POLG2: variants seen among roughly 807,000 people sequenced by gnomAD.
The protein encoded by POLG2 is DNA polymerase gamma 2, accessory subunit, also known as DNA polymerase subunit gamma-2.
Under a neutral mutation model 56.5 loss-of-function variants are expected in POLG2, and 50 were observed. The ratio of observed to expected loss-of-function variants is 0.88; its 90% CI spans 0.71 to 1.12. POLG2 has a LOEUF of 1.12. POLG2 is among the 50% of genes most tolerant of loss of function. The pLI, the probability that POLG2 is intolerant of heterozygous loss-of-function variation, is 0.00. For synonymous variants in POLG2, 226 were observed against 222.6 expected (o/e 1.02, Z -0.14); for missense variants, 584 against 583.3 (o/e 1.00, Z -0.01).
chr17:64,479,776 T>C (rs2037827671), intron 7 of POLG2, among the ~76,000 whole-genome samples: 1 of 152,094 alleles, frequency 6.6e-6, no homozygotes, highest in Non-Finnish European at 1.5e-5. Context: ...CTGACAGCAT[T>C]TGATGATAGA....
At chr17:64,495,243 G>A (rs1210613491) in intron 1 of POLG2, among the ~76,000 whole-genome samples, 10 of 151,086 alleles carry the variant, frequency 6.6e-5, no homozygotes, top group African/African-American at 2.4e-4. Context: ...GAGGGTCATT[G>A]CTTCTAGGAA....
Position 64,496,692 on chromosome 17 carries a change from T to C in POLG2, c.277A>G (p.Ser93Gly). 6.2e-7 allele frequency: 1 copy of C among 1,613,946 alleles called. No homozygotes were observed. The highest frequency in any genetic ancestry group is 8.5e-7 in the Non-Finnish European group (1 of 1,180,000). ...GGTCCGAAGCCGGGGTGGCACCCAC[T>C]CAGAAGAGAATCCCGGCTAAGCTGC... ...KQQLSRDSLLSGCHPGFGPLG... is the reference protein window; with the variant it reads ...KQQLSRDSLLGGCHPGFGPLG... Residue 93 changes from serine to glycine, a missense_variant, in exon 1 of 8, where the codon AGT becomes GGT. By Grantham distance (56) the Ser-to-Gly change is moderately conservative. Coordinates refer to ENST00000539111, the MANE Select transcript of POLG2 (RefSeq NM_007215.4).
intron 6 of POLG2, chr17:64,481,420 C>T (rs1250912633): frequency 2.0e-6 from 2 of 985,160 alleles, no homozygotes; most frequent in Non-Finnish European, 2.4e-6. Context: ...ATCACCCAGA[C>T]AGAAATGACG....
chr17:64,482,360 C>T (rs1314815950), intron 6 of POLG2, among the ~76,000 whole-genome samples: 63 of 146,412 alleles, frequency 4.3e-4, no homozygotes, highest in African/African-American at 1.3e-3. Flanking sequence ...GAGTCTCTGT[C>T]GCCCAGGCTG....
At chr17:64,486,406 G>A (rs1295256181) in intron 4 of POLG2, among the ~76,000 whole-genome samples, 2 of 151,238 alleles carry the variant, frequency 1.3e-5, no homozygotes, top group South Asian at 4.2e-4. Flanking sequence ...TGTCACCCAG[G>A]CTGGAGTGCA....
intron 1 of POLG2, among the ~76,000 whole-genome samples, chr17:64,494,937 G>A (rs1455899535): frequency 2.6e-5 from 4 of 152,170 alleles, no homozygotes; most frequent in Non-Finnish European, 5.9e-5. Context: ...ACTTTGGGAG[G>A]CCGAGGCGGG....
chr17:64,496,882 C>T lies in POLG2; in HGVS notation c.87G>A (p.Gln29=). 1.2e-6 allele frequency: 2 copies of T among 1,613,506 alleles called. No homozygotes were observed. The highest frequency in any genetic ancestry group is 1.3e-5 in the African/African-American group (1 of 75,050). ...TACTCCTTTCCGTCAACAGCTCCGG[C>T]TGCCCCGCATCTACTCGACCCCCAA... is the stretch of plus-strand genomic sequence containing the variant. The part of the protein sequence containing the change: ...SGFGGRVDAG[Q]PELLTERSSP... Residue 29 remains glutamine, a synonymous_variant, in exon 1 of 8, where the codon CAG becomes CAA. Transcript: ENST00000539111.
At chr17:64,485,603 ACTTAG>A in intron 5 of POLG2, 120 bp downstream of exon 5, 1 of 808,316 alleles carries the variant, frequency 1.2e-6, no homozygotes, top group Middle Eastern at 3.2e-4. Flanking sequence ...ACTGAAAAAT[ACTTAG>A]ACTACATGCA....
chr17:64,491,654 G>A (rs2038060455), intron 3 of POLG2: 5 of 1,395,228 alleles, frequency 3.6e-6, no homozygotes, highest in South Asian at 1.2e-5. Flanking sequence ...GTTACTACTG[G>A]TACTACAACA....
In POLG2 at chr17:64,497,004, C is replaced by T. The variant is rs1420686492; in HGVS notation, c.-36G>A. On this transcript the variant is annotated 5_prime_UTR_variant, in exon 1 of 8. In the 5' UTR this introduces an upstream ATG that the reference lacks. Coordinates refer to ENST00000539111, the MANE Select transcript of POLG2 (RefSeq NM_007215.4). ...AGTTAAAGAGCACACTCTCCCATCA[C>T]TCAACGGATCCCAACAAGCCACCAC... The T allele has an allele frequency of 2.5e-6, 4 of 1,573,118 alleles. No individual in the cohort carries two copies. The highest frequency in any genetic ancestry group is 1.7e-5 in the Admixed American group (1 of 59,966).
At chr17:64,478,122 A>C (rs1170008365) in intron 7 of POLG2, 134 bp from the exon 8 acceptor site, 3 of 819,622 alleles carry the variant, frequency 3.7e-6, no homozygotes, top group African/African-American at 3.5e-5. Flanking sequence ...GACCAAAAAA[A>C]CCCAACATTT....
At chr17:64,484,899 C>A (rs1598124262) in intron 5 of POLG2, among the ~76,000 whole-genome samples, 4 of 152,080 alleles carry the variant, frequency 2.6e-5, no homozygotes, top group Non-Finnish European at 1.5e-5. Flanking sequence ...TGATTTGGGG[C>A]AGCTTCCTTT....
At chr17:64,495,177 CAAA>C (rs782184151) in intron 1 of POLG2, among the ~76,000 whole-genome samples, 3 of 119,330 alleles carry the variant, frequency 2.5e-5, no homozygotes, top group Admixed American at 1.7e-4. Context: ...GACTCTGTCT[CAAA>C]AAAAAAAAAA....
In POLG2 at chr17:64,496,735, G is replaced by C; in HGVS notation, c.234C>G (p.Phe78Leu). 1 of 1,613,992 alleles carries C rather than the reference G, an allele frequency of 6.2e-7. No homozygotes were observed. Among genetic ancestry groups the C allele is most frequent in the Non-Finnish European group, 8.5e-7 (1 of 1,180,002 alleles). The part of the protein sequence containing the change: ...ALLEICQRRH[F>L]LSGSKQQLSR... Reference sequence around the variant, plus strand: ...TAAGCTGCTGCTTGCTTCCACTTAGGAAATGCCTTCTCTGACAGATCTCTA... The same window carrying C: ...TAAGCTGCTGCTTGCTTCCACTTAGCAAATGCCTTCTCTGACAGATCTCTA... Residue 78 changes from phenylalanine to leucine, a missense_variant, in exon 1 of 8, where the codon TTC becomes TTG. Phe to Leu is a conservative substitution (Grantham distance 22). Transcript: ENST00000539111.
intron 5 of POLG2, among the ~76,000 whole-genome samples, chr17:64,483,405 C>T (rs2037895915): frequency 6.6e-6 from 1 of 151,862 alleles, no homozygotes; most frequent in African/African-American, 2.4e-5. Context: ...GTCCCAGCTA[C>T]TCAGGCGGCT....
Position 64,496,772 on chromosome 17 carries a change from C to A in POLG2, c.197G>T (p.Ser66Ile). The change falls in exon 1 of 8, where the codon AGC becomes ATC. Residue 66 changes from serine to isoleucine, a missense_variant. Coordinates refer to ENST00000539111, the MANE Select transcript of POLG2 (RefSeq NM_007215.4). ...CTGACAGATCTCTAACAGCGCCTCG[C>A]TTCCCTCTCCAGACCCGGGGGCTTC... ...HPEAPGSGEG[S>I]EALLEICQRR... 6.2e-7 allele frequency: 1 copy of A among 1,613,994 alleles called. No homozygotes were observed.
chr17:64,488,185 G>C (rs1021010191), intron 4 of POLG2, among the ~76,000 whole-genome samples: 2 of 152,158 alleles, frequency 1.3e-5, no homozygotes, highest in East Asian at 3.9e-4. Context: ...GCAACACAGC[G>C]AGACCCCATC....
rs782757601 is a variant in POLG2, at chr17:64,482,949, T to C, written c.1161A>G (p.Val387=). ...TTAGTTCCAATGTGGGGCCTCTTCC[T>C]ACATCCAAAGCAACCTTAATAGGGG... is the stretch of plus-strand genomic sequence containing the variant. ...CLAPIKVALD[V]GRGPTLELRQ... Residue 387 remains valine (V), a synonymous_variant, in exon 6 of 8, where the codon GTA becomes GTG. Transcript: ENST00000539111. 13 of 1,605,690 alleles carry C rather than the reference T, an allele frequency of 8.1e-6. No homozygotes were observed. The highest frequency in any genetic ancestry group is 1.1e-5 in the Non-Finnish European group (13 of 1,172,516).
chr17:64,495,225 T>C (rs1412575139), intron 1 of POLG2, among the ~76,000 whole-genome samples: 1 of 150,190 alleles, frequency 6.7e-6, no homozygotes, highest in African/African-American at 2.5e-5. Context: ...GGTGTGCTCA[T>C]TGCTACTGAG....
Sources: gnomAD v4.1 joint callset for allele counts (sites outside exome capture counted in the v4.1 genomes callset) on GRCh38, gnomAD v4.1.1 for gene constraint, MANE v1.5 for transcripts, NCBI Gene and HGNC (gene_info 2026-07-23, HGNC 2026-07-21) for gene names.